Variants in SCN7A observed in about 807,000 individuals in gnomAD.
The protein encoded by SCN7A is sodium channel protein type 7 subunit alpha.
A neutral mutation model predicts 155.2 loss-of-function variants in SCN7A; 138 were observed. The ratio of observed to expected loss-of-function variants is 0.89; its 90% confidence interval spans 0.77 to 1.02. The LOEUF (loss-of-function observed/expected upper bound fraction) is 1.02. Among genes scored for constraint, SCN7A ranks in the 50% least tolerant of loss-of-function variants. The pLI is 0.00. For missense variants in SCN7A, 2,058 were observed against 1,986.6 expected (o/e 1.04, Z -0.68); for synonymous variants, 693 against 649.0 (o/e 1.07, Z -1.03).
intron 15 of SCN7A, among the ~76,000 whole-genome samples, chr2:166,438,554 T>C (rs1701886245): frequency 6.6e-6 from 1 of 152,144 alleles, no homozygotes; most frequent in Non-Finnish European, 1.5e-5. Context: ...CATATAATAA[T>C]TTTTTGTAAG....
chr2:166,442,218 C>A (rs1454044074), intron 14 of SCN7A, among the ~76,000 whole-genome samples: 1 of 152,120 alleles, frequency 6.6e-6, no homozygotes, highest in East Asian at 1.9e-4. Flanking sequence ...ACACAACATT[C>A]TAGGTTTATA....
intron 11 of SCN7A, among the ~76,000 whole-genome samples, chr2:166,456,515 T>C (rs556414567): frequency 1.3e-5 from 2 of 152,080 alleles, no homozygotes; most frequent in Admixed American, 6.6e-5. Flanking sequence ...AAAAATATCA[T>C]AAGTGTGGTA....
Position 166,406,651 on chromosome 2 carries a change from G to A in SCN7A, c.3983-5C>T. On this transcript the variant is annotated splice_polypyrimidine_tract_variant and splice_region_variant and intron_variant, in intron 25 of 25. Transcript: ENST00000643258. Reference sequence around the variant, plus strand: ...CTGTCATAGGCAGACATAGTCCTGGGGGTGGGAAAGATAAAGCAGGCTATA... The same window carrying A: ...CTGTCATAGGCAGACATAGTCCTGGAGGTGGGAAAGATAAAGCAGGCTATA... 1 of 1,571,706 alleles carries A rather than the reference G, an allele frequency of 6.4e-7. No homozygotes were observed. Among genetic ancestry groups the A allele is most frequent in the African/African-American group, 1.4e-5 (1 of 73,372 alleles).
chr2:166,430,860 G>A (rs1238959117), intron 16 of SCN7A, among the ~76,000 whole-genome samples: 1 of 151,896 alleles, frequency 6.6e-6, no homozygotes, highest in East Asian at 1.9e-4. Flanking sequence ...ATTTTTGGCT[G>A]TGGGTATATC....
chr2:166,448,197 T>A (rs1702106840), intron 11 of SCN7A, among the ~76,000 whole-genome samples: 1 of 152,188 alleles, frequency 6.6e-6, no homozygotes, highest in Non-Finnish European at 1.5e-5. Context: ...CACATATGAC[T>A]GAAAACATGT....
At chr2:166,413,981 G>GTGTGTATATATA (rs1553513525) in intron 21 of SCN7A, among the ~76,000 whole-genome samples, 3 of 53,526 alleles carry the variant, frequency 5.6e-5, no homozygotes, top group Non-Finnish European at 1.1e-4. Context: ...ATGTGTATGT[G>GTGTGTATATATA]TATATATATA....
intron 20 of SCN7A, among the ~76,000 whole-genome samples, chr2:166,418,052 T>C (rs1701417048): frequency 6.6e-6 from 1 of 151,690 alleles, no homozygotes; most frequent in South Asian, 2.1e-4. Context: ...AGTTGCTATA[T>C]CTAATATAAT....
In SCN7A at chr2:166,413,139, A is replaced by G. The variant is rs1285583755; in HGVS notation, c.3415-18T>C. On this transcript the variant is annotated intron_variant, in intron 21 of 25. Transcript: ENST00000643258. ...AATGTTGCCTGTAAAAATAAAATGC[A>G]TTTAAAATTTATGCTTCCTGGCAAA... 1.4e-6 allele frequency: 2 copies of G among 1,432,632 alleles called. No homozygotes were observed. The highest frequency in any genetic ancestry group is 4.9e-5 in the East Asian group (2 of 40,842). The allele number at this position is 1,432,632 out of a possible 1,614,324, so 88.7% of individuals were successfully genotyped here. A position where few individuals can be genotyped will look rare whatever the true frequency, so the allele number is the denominator to read the frequency against.
intron 17 of SCN7A, 139 bp downstream of exon 17, chr2:166,429,030 C>T: frequency 1.8e-6 from 1 of 553,718 alleles, no homozygotes; most frequent in South Asian, 2.7e-5. Flanking sequence ...GTAATGGTGA[C>T]ACTTGTACAT....
chr2:166,417,840 C>T (rs1701413204), intron 20 of SCN7A, among the ~76,000 whole-genome samples: 1 of 151,716 alleles, frequency 6.6e-6, no homozygotes, highest in Non-Finnish European at 1.5e-5. Context: ...CACAAAGATT[C>T]AATCCTCACT....
rs377599686 is a variant in SCN7A, at chr2:166,488,695, C to T, written c.-127-1727G>A. Among the ~76,000 whole-genome samples, 26 of 151,088 alleles carry T rather than the reference C, an allele frequency of 1.7e-4. 1 individual carries two copies. In the East Asian group the frequency reaches 2.2e-3, roughly 13 times the overall value. ...CTCTGTTGCCCAGGCTGGAGAGCAG[C>T]GGTGTAACCTTGGCTCACTGCAACC... is the stretch of plus-strand genomic sequence containing the variant. On this transcript the variant is annotated intron_variant, in intron 1 of 25. Transcript: ENST00000643258.
chr2:166,438,691 T>C (rs1428580395), intron 15 of SCN7A, among the ~76,000 whole-genome samples: 1 of 152,090 alleles, frequency 6.6e-6, no homozygotes, highest in East Asian at 1.9e-4. Context: ...GTTAAAAAGA[T>C]CAACAGCTTC....
chr2:166,464,755 CT>C lies in SCN7A; in HGVS notation c.941+706del, dbSNP rs1702490528. Among the ~76,000 whole-genome samples, 8 of 152,260 alleles carry C rather than the reference CT, an allele frequency of 5.3e-5. No individual in the cohort carries two copies. In the South Asian group the frequency reaches 1.7e-3, roughly 32 times the overall value. Reference sequence around the variant, plus strand: ...TCAGCCTATCCTTAATATTTCTTTTCTCCCAAAACTTCTTTCCAAATGATAG... The same window carrying C: ...TCAGCCTATCCTTAATATTTCTTTTCCCCAAAACTTCTTTCCAAATGATAG... On this transcript the variant is annotated intron_variant, in intron 9 of 25. Transcript: ENST00000643258.
At chr2:166,430,923 T>G (rs1223604206) in intron 16 of SCN7A, among the ~76,000 whole-genome samples, 1 of 152,026 alleles carries the variant, frequency 6.6e-6, no homozygotes, top group South Asian at 2.1e-4. Context: ...TAACTAAATA[T>G]GTAACTAAAT....
chr2:166,455,895 C>T (rs911839419), intron 11 of SCN7A, among the ~76,000 whole-genome samples: 2 of 152,074 alleles, frequency 1.3e-5, no homozygotes, highest in African/African-American at 2.4e-5. Context: ...GATATGAAGC[C>T]GACTTGATCA....
chr2:166,457,134 C>G (rs1028275686), intron 10 of SCN7A, 58 bp from the exon 11 acceptor site: 13 of 1,279,784 alleles, frequency 1.0e-5, no homozygotes, highest in African/African-American at 1.5e-5. Flanking sequence ...TTCCAGGATT[C>G]TCCTATTTTA....
At chr2:166,464,711 C>T (rs998253684) in intron 9 of SCN7A, among the ~76,000 whole-genome samples, 4 of 152,088 alleles carry the variant, frequency 2.6e-5, no homozygotes, top group African/African-American at 9.7e-5. Flanking sequence ...ACAACCAGCC[C>T]GAGCTATCGC....
At position 166,465,513 on chromosome 2, in the gene SCN7A, TAATAAA is replaced by T. The variant is rs1183947326; in HGVS notation, c.884_889del (p.Phe295_Tyr296del). 3 of 1,604,132 alleles carry T rather than the reference TAATAAA, an allele frequency of 1.9e-6. No homozygotes were observed. On this transcript the variant is annotated inframe_deletion, in exon 9 of 26. Coordinates refer to ENST00000643258, the MANE Select transcript of SCN7A (RefSeq NM_002976.4). ...GAGAGCATATCTTTCTCCTTCCAAA[TAATAAA>T]AGTTTTCTGTTTCTGAAAAACAGGC...
intron 1 of SCN7A, among the ~76,000 whole-genome samples, chr2:166,488,302 T>G (rs917150203): frequency 1.3e-5 from 2 of 152,204 alleles, no homozygotes; most frequent in Non-Finnish European, 2.9e-5. Context: ...ACTAGAATGC[T>G]TTCCCCTCCA....
Sources: gnomAD v4.1 joint callset for allele counts (sites outside exome capture counted in the v4.1 genomes callset) on GRCh38, gnomAD v4.1.1 for gene constraint, MANE v1.5 for transcripts, NCBI Gene and HGNC (gene_info 2026-07-23, HGNC 2026-07-21) for gene names.